The following SOX5 variants were observed in gnomAD, a reference collection of about 807,000 sequenced individuals.
SOX5 encodes transcription factor SOX-5.
SOX5 carries 9 observed loss-of-function variants against 92.0 expected under a neutral mutation model. The observed-to-expected ratio is 0.10, with a 90% CI of 0.06 to 0.17. SOX5 has a LOEUF of 0.17. Among genes scored for constraint, SOX5 ranks in the 10% least tolerant of loss-of-function variants. SOX5 has a pLI of 1.00. For missense variants in SOX5, 642 were observed against 944.5 expected, an observed-to-expected ratio of 0.68 and a Z score of 4.20; for synonymous variants, 344 against 336.3, an observed-to-expected ratio of 1.02 and a Z score of -0.25.
At chr12:24,202,014 G>A (rs1957565246) in intron 4 of SOX5, among the ~76,000 whole-genome samples, 1 of 152,120 alleles carries the variant, frequency 6.6e-6, no homozygotes, top group Non-Finnish European at 1.5e-5. Context: ...TATTGTTTGT[G>A]GGCTCCATAC....
At chr12:24,472,029 T>C (rs969454638) in intron 1 of SOX5, among the ~76,000 whole-genome samples, 1 of 152,216 alleles carries the variant, frequency 6.6e-6, no homozygotes, top group Non-Finnish European at 1.5e-5. Context: ...GTGGAACCCA[T>C]AGTCTACAAT....
At chr12:23,913,035 C>T (rs1442859259) in intron 1 of SOX5, among the ~76,000 whole-genome samples, 1 of 152,078 alleles carries the variant, frequency 6.6e-6, no homozygotes, top group African/African-American at 2.4e-5. Flanking sequence ...AACTACAAAG[C>T]ACACATTATC....
intron 4 of SOX5, among the ~76,000 whole-genome samples, chr12:24,070,886 G>A (rs1941670392): frequency 6.6e-6 from 1 of 152,258 alleles, no homozygotes; most frequent in East Asian, 1.9e-4. Context: ...TCCACCAGGG[G>A]TAACCTCCAT....
chr12:23,713,659 G>A (rs1464023867), intron 6 of SOX5, among the ~76,000 whole-genome samples: 1 of 149,216 alleles, frequency 6.7e-6, no homozygotes, highest in Admixed American at 6.7e-5. Flanking sequence ...GTGTGTGTGT[G>A]TGTGTATGTG....
chr12:23,918,648 G>T (rs1037799459), intron 1 of SOX5, among the ~76,000 whole-genome samples: 4 of 151,944 alleles, frequency 2.6e-5, no homozygotes, highest in Non-Finnish European at 5.9e-5. Context: ...AAAATGGGCC[G>T]GGCGTGGTGG....
chr12:24,494,138 C>A (rs1351923902), intron 1 of SOX5, among the ~76,000 whole-genome samples: 1 of 152,196 alleles, frequency 6.6e-6, no homozygotes, highest in African/African-American at 2.4e-5. Context: ...GTAAATCACA[C>A]TGACGTGTAG....
At chr12:24,534,023 C>T (rs970960152) in intron 1 of SOX5, among the ~76,000 whole-genome samples, 1 of 152,108 alleles carries the variant, frequency 6.6e-6, no homozygotes, top group Non-Finnish European at 1.5e-5. Context: ...TCCATTCCTA[C>T]CCACCAATCA....
At chr12:23,994,827 G>A (rs942773937) in intron 4 of SOX5, among the ~76,000 whole-genome samples, 3 of 152,158 alleles carry the variant, frequency 2.0e-5, no homozygotes, top group Non-Finnish European at 4.4e-5. Flanking sequence ...GTTGGAATGA[G>A]CTTTTTTGTG....
At chr12:24,141,775 T>C (rs990567689) in intron 4 of SOX5, among the ~76,000 whole-genome samples, 14 of 152,228 alleles carry the variant, frequency 9.2e-5, no homozygotes, top group East Asian at 1.9e-4. Flanking sequence ...CAGGTGGTAA[T>C]GGCAATTTAG....
intron 7 of SOX5, among the ~76,000 whole-genome samples, chr12:23,663,962 G>A (rs2083423607): frequency 6.6e-6 from 1 of 151,966 alleles, no homozygotes; most frequent in Non-Finnish European, 1.5e-5. Context: ...TTAAAACGCA[G>A]GACACCAAAG....
chr12:23,672,090 A>C (rs1027486711), intron 6 of SOX5, among the ~76,000 whole-genome samples: 5 of 152,054 alleles, frequency 3.3e-5, no homozygotes, highest in Admixed American at 3.3e-4. Context: ...AACAAAACAA[A>C]AAAAAAAGGA....
At chr12:23,878,237 C>A (rs187876225) in intron 2 of SOX5, among the ~76,000 whole-genome samples, 326 of 151,936 alleles carry the variant, frequency 2.1e-3, no homozygotes, top group Non-Finnish European at 3.9e-3. Context: ...AATAGATCAA[C>A]CTTATTAACT....
intron 1 of SOX5, among the ~76,000 whole-genome samples, chr12:23,916,452 A>T (rs972813573): frequency 2.0e-5 from 3 of 152,196 alleles, no homozygotes; most frequent in African/African-American, 7.2e-5. Context: ...GAGATAGTTT[A>T]AACACCACCA....
At chr12:24,514,799 A>C (rs538258119) in intron 1 of SOX5, among the ~76,000 whole-genome samples, 1 of 152,352 alleles carries the variant, frequency 6.6e-6, no homozygotes, top group East Asian at 1.9e-4. Flanking sequence ...AACTAACATA[A>C]GAACAGAAAA....
intron 7 of SOX5, among the ~76,000 whole-genome samples, chr12:23,646,684 A>G (rs2080892965): frequency 6.6e-6 from 1 of 152,238 alleles, no homozygotes; most frequent in African/African-American, 2.4e-5. Context: ...ATGCTCACAT[A>G]ATCTTCATCA....
intron 2 of SOX5, among the ~76,000 whole-genome samples, chr12:23,882,433 T>A (rs1391539560): frequency 1.3e-5 from 2 of 151,758 alleles, no homozygotes; most frequent in African/African-American, 4.8e-5. Flanking sequence ...AAGAATATCA[T>A]CATGTAGCCT....
chr12:24,286,932 C>T (rs1430669685), intron 2 of SOX5, among the ~76,000 whole-genome samples: 1 of 152,084 alleles, frequency 6.6e-6, no homozygotes, highest in Non-Finnish European at 1.5e-5. Context: ...CAGCATACAC[C>T]ATACCAAGGA....
At chr12:23,862,010 CT>C (rs1171640494) in intron 2 of SOX5, among the ~76,000 whole-genome samples, 1 of 152,030 alleles carries the variant, frequency 6.6e-6, no homozygotes, top group Non-Finnish European at 1.5e-5. Flanking sequence ...TATTATTTCC[CT>C]TCTATTCCCT....
chr12:23,918,271 C>T (rs942074131), intron 1 of SOX5, among the ~76,000 whole-genome samples: 8 of 151,872 alleles, frequency 5.3e-5, no homozygotes, highest in African/African-American at 1.2e-4. Context: ...GGCATTTTTT[C>T]GTTTAGTCAA....
Sources: gnomAD v4.1 joint callset for allele counts (sites outside exome capture counted in the v4.1 genomes callset) on GRCh38, gnomAD v4.1.1 for gene constraint, MANE v1.5 for transcripts, NCBI Gene and HGNC (gene_info 2026-07-23, HGNC 2026-07-21) for gene names.